CHCHD6: variants seen among roughly 807,000 people sequenced by gnomAD.
CHCHD6 encodes the protein MICOS complex subunit MIC25.
In CHCHD6, 28 loss-of-function variants were observed where a neutral mutation model predicts 32.3. The observed-to-expected ratio is 0.87, with a 90% confidence interval of 0.64 to 1.19. The LOEUF (loss-of-function observed/expected upper bound fraction) is 1.19, where lower values mean the gene tolerates loss of function less well. Ranked by LOEUF, CHCHD6 falls within the 50% of genes most tolerant of loss-of-function variation. The pLI is 0.00. For missense variants in CHCHD6, 333 were observed against 307.0 expected (o/e 1.08, Z -0.63); for synonymous variants, 122 against 117.5 (o/e 1.04, Z -0.25).
intron 6 of CHCHD6, among the ~76,000 whole-genome samples, chr3:126,928,913 TC>T (rs2078362422): frequency 6.6e-6 from 1 of 152,214 alleles, no homozygotes; most frequent in African/African-American, 2.4e-5. Context: ...GAACTCTACT[TC>T]CTCTGCTGGA....
At chr3:126,898,753 G>A (rs1339768576) in intron 5 of CHCHD6, among the ~76,000 whole-genome samples, 1 of 152,120 alleles carries the variant, frequency 6.6e-6, no homozygotes, top group African/African-American at 2.4e-5. Context: ...TGGCCAGGCT[G>A]GTCTTAAACT....
At chr3:126,874,228 C>CT (rs1288401616) in intron 5 of CHCHD6, among the ~76,000 whole-genome samples, 1 of 152,206 alleles carries the variant, frequency 6.6e-6, no homozygotes, top group African/African-American at 2.4e-5. Context: ...CACCAGGTGT[C>CT]TAAAAAGTGT....
chr3:126,833,483 A>C (rs1940722887), intron 4 of CHCHD6, among the ~76,000 whole-genome samples: 1 of 152,240 alleles, frequency 6.6e-6, no homozygotes, highest in Non-Finnish European at 1.5e-5. Flanking sequence ...TCATTCACAC[A>C]GTGCTTTGCA....
intron 4 of CHCHD6, chr3:126,766,804 G>T: frequency 9.7e-7 from 1 of 1,028,622 alleles, no homozygotes; most frequent in Non-Finnish European, 1.5e-6. Flanking sequence ...TTCACTGATG[G>T]CAAAGGAGCA....
intron 4 of CHCHD6, among the ~76,000 whole-genome samples, chr3:126,835,060 AG>A (rs1940798079): frequency 6.6e-6 from 1 of 152,182 alleles, no homozygotes; most frequent in Admixed American, 6.5e-5. Flanking sequence ...CCAGAGAAGT[AG>A]CCCGGGTGGG....
intron 4 of CHCHD6, among the ~76,000 whole-genome samples, chr3:126,829,248 C>T (rs1452046100): frequency 6.6e-6 from 1 of 152,032 alleles, no homozygotes; most frequent in Non-Finnish European, 1.5e-5. Flanking sequence ...CTGGGGAGTT[C>T]CCCCTCACTC....
chr3:126,936,389 C>G (rs1449220064), intron 6 of CHCHD6, among the ~76,000 whole-genome samples: 2 of 152,162 alleles, frequency 1.3e-5, no homozygotes, highest in Admixed American at 6.5e-5. Context: ...CCACATATGG[C>G]TATTGAAGTG....
intron 4 of CHCHD6, among the ~76,000 whole-genome samples, chr3:126,815,920 T>C (rs995106190): frequency 6.6e-6 from 1 of 152,186 alleles, no homozygotes; most frequent in African/African-American, 2.4e-5. Context: ...TGCAGAACAC[T>C]CACAGCTTCA....
chr3:126,892,015 C>T (rs945475488), intron 5 of CHCHD6, among the ~76,000 whole-genome samples: 1 of 152,184 alleles, frequency 6.6e-6, no homozygotes, highest in Non-Finnish European at 1.5e-5. Context: ...TGGCAGACAT[C>T]GCAGGGGCCT....
intron 4 of CHCHD6, among the ~76,000 whole-genome samples, chr3:126,852,444 A>G (rs973130263): frequency 6.6e-6 from 1 of 152,218 alleles, no homozygotes; most frequent in Non-Finnish European, 1.5e-5. Context: ...TGAAGTGGCT[A>G]TAGTAATTAC....
At chr3:126,922,809 C>T (rs1322606439) in intron 6 of CHCHD6, among the ~76,000 whole-genome samples, 1 of 152,206 alleles carries the variant, frequency 6.6e-6, no homozygotes, top group African/African-American at 2.4e-5. Context: ...AGAGTTCTGT[C>T]ACCTTTGTAA....
At chr3:126,788,263 C>A (rs936799231) in intron 4 of CHCHD6, among the ~76,000 whole-genome samples, 1 of 152,156 alleles carries the variant, frequency 6.6e-6, no homozygotes, top group African/African-American at 2.4e-5. Flanking sequence ...TGATGTTCTT[C>A]AGGGATATTG....
chr3:126,878,048 C>T (rs1310965034), intron 5 of CHCHD6, among the ~76,000 whole-genome samples: 1 of 152,140 alleles, frequency 6.6e-6, no homozygotes, highest in Non-Finnish European at 1.5e-5. Flanking sequence ...TATTATAGGA[C>T]TGAGCAAATG....
chr3:126,825,545 A>G (rs1321550241), intron 4 of CHCHD6, among the ~76,000 whole-genome samples: 1 of 152,180 alleles, frequency 6.6e-6, no homozygotes, highest in Non-Finnish European at 1.5e-5. Context: ...CGTTCTGTCA[A>G]CTTTTACTTT....
chr3:126,866,050 A>C (rs763175637), intron 5 of CHCHD6, among the ~76,000 whole-genome samples: 15 of 152,154 alleles, frequency 9.9e-5, no homozygotes, highest in Non-Finnish European at 1.6e-4. Flanking sequence ...AAATGAGGAC[A>C]CTGAGAGGTT....
intron 6 of CHCHD6, among the ~76,000 whole-genome samples, chr3:126,945,359 T>G (rs945582458): frequency 3.3e-5 from 5 of 151,596 alleles, no homozygotes; most frequent in African/African-American, 1.2e-4. Context: ...CCATCATGAG[T>G]CAGAAAGATC....
chr3:126,848,977 A>T (rs957557658), intron 4 of CHCHD6, among the ~76,000 whole-genome samples: 4 of 152,214 alleles, frequency 2.6e-5, no homozygotes, highest in African/African-American at 9.6e-5. Flanking sequence ...TCAGTGCAGG[A>T]CGAGGTCTGA....
intron 3 of CHCHD6, among the ~76,000 whole-genome samples, chr3:126,732,466 A>G (rs1469234290): frequency 6.6e-6 from 1 of 152,240 alleles, no homozygotes; most frequent in East Asian, 1.9e-4. Context: ...GACAAATGAA[A>G]GACTATTTTC....
chr3:126,785,020 A>G (rs1252700035), intron 4 of CHCHD6, among the ~76,000 whole-genome samples: 2 of 152,080 alleles, frequency 1.3e-5, no homozygotes, highest in Non-Finnish European at 2.9e-5. Context: ...TTATACTTAT[A>G]TATTTACAAA....
Sources: gnomAD v4.1 joint callset for allele counts (sites outside exome capture counted in the v4.1 genomes callset) on GRCh38, gnomAD v4.1.1 for gene constraint, MANE v1.5 for transcripts, NCBI Gene and HGNC (gene_info 2026-07-23, HGNC 2026-07-21) for gene names.